The following TPST2 variants were observed in gnomAD, a reference collection of about 807,000 sequenced individuals.
The protein encoded by TPST2 is tyrosylprotein sulfotransferase 2.
Under a neutral mutation model 27.8 loss-of-function variants are expected in TPST2, and 16 were observed. That is an observed-to-expected ratio of 0.58 (90% CI 0.39 to 0.88). The LOEUF is 0.88. TPST2 is among the 40% of genes least tolerant of loss of function. TPST2 has a pLI of 0.00. For missense variants in TPST2, 464 were observed against 543.1 expected (o/e 0.85, Z 1.45); for synonymous variants, 229 against 231.7 (o/e 0.99, Z 0.10).
At position 26,538,207 on chromosome 22, in the gene TPST2, G is replaced by A. The variant is rs569816715; in HGVS notation, c.843-1721C>T. Among the ~76,000 whole-genome samples, 12 of 152,350 alleles carry A rather than the reference G, an allele frequency of 7.9e-5. No individual in the cohort carries two copies. In the South Asian group the frequency reaches 2.3e-3, roughly 29 times the overall value. ...AGGCAGCAAAAGGAAGACAAGACCG[G>A]GCGTGAGGTGAGGAGAACAGGGGAA... On this transcript the variant is annotated intron_variant, in intron 3 of 6. Transcript: ENST00000338754.
In TPST2 at chr22:26,560,613, A is replaced by C. The variant is rs894962038; in HGVS notation, c.-160-15938T>G. 2.9e-5 allele frequency: 37 copies of C among 1,264,148 alleles called. No homozygotes were observed. The Admixed American group carries it at 4.9e-4, about 17-fold the overall frequency. The allele number at this position is 1,264,148 out of a possible 1,614,324, so 78.3% of individuals were successfully genotyped here. ...AACTTGTCGGGAGGCGCATAAGAAG[A>C]AGCACCCAGATGCTTCAGTCAACCT... On this transcript the variant is annotated intron_variant, in intron 1 of 6. Coordinates refer to ENST00000338754, the MANE Select transcript of TPST2 (RefSeq NM_003595.5).
chr22:26,536,295 GTGT>G lies in TPST2; in HGVS notation c.1031_1033del (p.Asn344del). ...GTACAGGTGCACACTCACCCGCTGT[GTGT>G]TGTTGATGACGAAGGGGTCAGGGTT... On this transcript the variant is annotated inframe_deletion, in exon 4 of 7. Coordinates refer to ENST00000338754, the MANE Select transcript of TPST2 (RefSeq NM_003595.5). The G allele has an allele frequency of 6.2e-7, 1 of 1,614,186 alleles. No individual in the cohort carries two copies. Among genetic ancestry groups the G allele is most frequent in the Non-Finnish European group, 8.5e-7 (1 of 1,180,034 alleles).
intron 1 of TPST2, among the ~76,000 whole-genome samples, chr22:26,558,914 C>T (rs2035491392): frequency 6.6e-6 from 1 of 152,178 alleles, no homozygotes; most frequent in African/African-American, 2.4e-5. Context: ...CTAAGCCACA[C>T]TGGAGCCAAG....
chr22:26,555,270 T>A (rs1196304776), intron 1 of TPST2: 1 of 528,592 alleles, frequency 1.9e-6, no homozygotes, highest in East Asian at 5.4e-5. Context: ...CCACTGAAAG[T>A]AATACCAAAG....
intron 1 of TPST2, among the ~76,000 whole-genome samples, chr22:26,559,650 G>GC (rs1442428264): frequency 6.6e-6 from 1 of 152,146 alleles, no homozygotes; most frequent in Non-Finnish European, 1.5e-5. Context: ...ATCACACAAA[G>GC]CATGTTCTTT....
At chr22:26,570,457 C>T (rs1018330880) in intron 1 of TPST2, among the ~76,000 whole-genome samples, 19 of 152,122 alleles carry the variant, frequency 1.2e-4, no homozygotes, top group African/African-American at 4.3e-4. Context: ...TCTTTCTCTA[C>T]AGCCCCATGA....
intron 1 of TPST2, among the ~76,000 whole-genome samples, chr22:26,556,314 G>A (rs1481304872): frequency 6.6e-6 from 1 of 151,966 alleles, no homozygotes; most frequent in Non-Finnish European, 1.5e-5. Context: ...CGAGGTGGGC[G>A]GATCACCTGA....
At chr22:26,528,508 G>A (rs1924967812) in intron 5 of TPST2, among the ~76,000 whole-genome samples, 3 of 152,236 alleles carry the variant, frequency 2.0e-5, no homozygotes, top group African/African-American at 7.2e-5. Flanking sequence ...GCAAGAAAAT[G>A]TCAAACTTGG....
chr22:26,540,527 G>C (rs1394336616), intron 3 of TPST2, among the ~76,000 whole-genome samples: 1 of 152,160 alleles, frequency 6.6e-6, no homozygotes, highest in Admixed American at 6.6e-5. Context: ...TGAACAGGGA[G>C]GTGGCGGCTG....
At chr22:26,529,357 T>C (rs1242224321) in intron 5 of TPST2, among the ~76,000 whole-genome samples, 1 of 152,186 alleles carries the variant, frequency 6.6e-6, no homozygotes. Context: ...TTTGAACTGC[T>C]GACCTCAAGT....
In TPST2 at chr22:26,536,355, T is replaced by C. The variant is rs769303194; in HGVS notation, c.974A>G (p.Tyr325Cys). The C allele has an allele frequency of 6.2e-6, 10 of 1,611,948 alleles. No homozygotes were observed. The highest frequency in any genetic ancestry group is 3.3e-5 in the Admixed American group (2 of 60,002). The part of the protein sequence containing the change: ...QIAPMLAQLG[Y>C]DPYANPPNYG... ...GTTGGGGGGGTTTGCATAAGGGTCA[T>C]AGCCGAGCTGAGCCAGCATGGGGGC... is the stretch of plus-strand genomic sequence containing the variant. Residue 325 changes from tyrosine to cysteine, a missense_variant, in exon 4 of 7, where the codon TAT becomes TGT. By Grantham distance (194) the Tyr-to-Cys change is radical (BLOSUM62 -2). Coordinates refer to ENST00000338754, the MANE Select transcript of TPST2 (RefSeq NM_003595.5).
chr22:26,544,078 G>A (rs7285240), intron 2 of TPST2, among the ~76,000 whole-genome samples: 7,827 of 152,224 alleles, frequency 0.051, 661 homozygotes, highest in African/African-American at 0.18. Flanking sequence ...ACACTCCAAG[G>A]TTCAAATCTC....
intron 1 of TPST2, among the ~76,000 whole-genome samples, chr22:26,559,409 T>C (rs760807137): frequency 5.6e-4 from 86 of 152,232 alleles, no homozygotes; most frequent in Admixed American, 2.9e-3. Flanking sequence ...TGGTCTTTAG[T>C]ATAATCACAG....
intron 1 of TPST2, among the ~76,000 whole-genome samples, chr22:26,578,502 G>A (rs188811489): frequency 5.3e-4 from 80 of 152,270 alleles, no homozygotes; most frequent in African/African-American, 1.9e-3. Context: ...ACCTGACCAC[G>A]CTCTGCGATC....
chr22:26,573,697 T>A (rs371608489), intron 1 of TPST2, among the ~76,000 whole-genome samples: 5 of 152,342 alleles, frequency 3.3e-5, no homozygotes, highest in African/African-American at 1.2e-4. Flanking sequence ...CCTTTTTTTT[T>A]GTGGTTCATC....
chr22:26,576,212 T>C (rs9608508), intron 1 of TPST2, among the ~76,000 whole-genome samples: 25,125 of 152,062 alleles, frequency 0.17, 2,545 homozygotes, highest in Middle Eastern at 0.26. Context: ...CTCCACCCCA[T>C]ATGCCTTGGA....
chr22:26,561,009 T>C, intron 1 of TPST2: 1 of 1,606,428 alleles, frequency 6.2e-7, no homozygotes, highest in Non-Finnish European at 8.5e-7. Flanking sequence ...TATTGCTGCA[T>C]ATCGAGCTAA....
chr22:26,528,896 C>A (rs527342708), intron 5 of TPST2, among the ~76,000 whole-genome samples: 1 of 151,832 alleles, frequency 6.6e-6, no homozygotes, highest in Non-Finnish European at 1.5e-5. Context: ...GCAGGAGAAT[C>A]GCTTGAACCC....
At chr22:26,571,258 C>T (rs1927613044) in intron 1 of TPST2, among the ~76,000 whole-genome samples, 1 of 152,192 alleles carries the variant, frequency 6.6e-6, no homozygotes, top group African/African-American at 2.4e-5. Context: ...GGCCAGTGCC[C>T]TGGCTGTGCC....
Sources: gnomAD v4.1 joint callset for allele counts (sites outside exome capture counted in the v4.1 genomes callset) on GRCh38, gnomAD v4.1.1 for gene constraint, MANE v1.5 for transcripts, NCBI Gene and HGNC (gene_info 2026-07-23, HGNC 2026-07-21) for gene names.